The following RNF8 variants were observed in gnomAD, a reference collection of about 807,000 sequenced individuals.
RNF8 encodes the protein ring finger protein 8.
RNF8 carries 8 observed loss-of-function variants against 59.3 expected under a neutral mutation model. The observed-to-expected ratio is 0.13, with a 90% CI of 0.08 to 0.24. The LOEUF is 0.24. Among genes scored for constraint, RNF8 ranks in the 10% least tolerant of loss-of-function variants. The pLI, the probability that RNF8 is intolerant of heterozygous loss-of-function variation, is 1.00. For missense variants in RNF8, 406 were observed against 572.6 expected, an observed-to-expected ratio of 0.71 and a Z score of 2.97; for synonymous variants, 162 against 200.0, an observed-to-expected ratio of 0.81 and a Z score of 1.60.
chr6:37,354,308 C>A (rs753830424), intron 1 of RNF8, 33 bp downstream of exon 1: 3 of 1,501,112 alleles, frequency 2.0e-6, no homozygotes, highest in African/African-American at 1.4e-5. Context: ...GAGCGGAGGG[C>A]AGGGGCTGGA....
chr6:37,369,848 A>G (rs963093149), intron 3 of RNF8: 2 of 152,708 alleles, frequency 1.3e-5, no homozygotes, highest in Admixed American at 6.5e-5. Flanking sequence ...ATGATAAACC[A>G]CCTTCCACAG....
chr6:37,367,800 A>T (rs1161073867), intron 2 of RNF8, among the ~76,000 whole-genome samples: 3 of 152,232 alleles, frequency 2.0e-5, no homozygotes, highest in African/African-American at 7.2e-5. Context: ...AGTGTGAGGT[A>T]GGTACTGTAC....
intron 2 of RNF8, 180 bp from the exon 3 acceptor site, chr6:37,368,304 C>A (rs1769648478): frequency 6.7e-7 from 1 of 1,482,366 alleles, no homozygotes; most frequent in Admixed American, 2.0e-5. Flanking sequence ...AGGTAAAAAG[C>A]CAAAGCACTG....
intron 7 of RNF8, among the ~76,000 whole-genome samples, chr6:37,384,877 C>A (rs2113833778): frequency 6.6e-6 from 1 of 152,248 alleles, no homozygotes; most frequent in Non-Finnish European, 1.5e-5. Context: ...GAATCAGGGT[C>A]ATTTGCAGGA....
rs1469108694 is a variant in RNF8 at position 37,394,643 on chromosome 6, C to T, written c.*3885C>T. On this transcript the variant is annotated 3_prime_UTR_variant, in exon 8 of 8. Transcript: ENST00000373479. The stretch of plus-strand genomic sequence containing the variant: ...TTCCAGAGCCACTATCTCTGCTGTC[C>T]ACTTTCCTTCAGGCTCTGTGAATAC... 6.6e-6 allele frequency: 1 copy of T among 152,172 alleles called. No individual in the cohort carries two copies. Among genetic ancestry groups the T allele is most frequent in the Non-Finnish European group, 1.5e-5 (1 of 68,040 alleles). The allele number at this position is 152,172 out of a possible 1,614,324, so 9.4% of individuals were successfully genotyped here.
Position 37,360,913 on chromosome 6 carries a change from C to T in RNF8, c.240+339C>T, listed in dbSNP as rs952275052. 1.3e-5 allele frequency among the ~76,000 whole-genome samples: 2 copies of T among 152,200 alleles called. No homozygotes were observed. The highest frequency in any genetic ancestry group is 1.9e-4 in the East Asian group (1 of 5,182). ...CCTGGGAATCTGCAGAATCTGCTGA[C>T]GCTTCTGGAGTACACTTATGGCTCA... On this transcript the variant is annotated intron_variant, in intron 2 of 7. Transcript: ENST00000373479. The surrounding 1 kb of genome is among the most constrained non-coding windows in gnomAD (Gnocchi z 4.2).
chr6:37,354,541 C>A (rs1224096891), intron 1 of RNF8, among the ~76,000 whole-genome samples: 1 of 150,122 alleles, frequency 6.7e-6, no homozygotes, highest in African/African-American at 2.5e-5. Context: ...AAAGAGAGTT[C>A]GGCTCTGGGG....
chr6:37,390,762 C>T lies in RNF8; in HGVS notation c.*4C>T. 6.2e-7 allele frequency: 1 copy of T among 1,613,600 alleles called. No individual in the cohort carries two copies. Among genetic ancestry groups the T allele is most frequent in the Non-Finnish European group, 8.5e-7 (1 of 1,179,570 alleles). On this transcript the variant is annotated 3_prime_UTR_variant, in exon 8 of 8. Coordinates refer to ENST00000373479, the MANE Select transcript of RNF8 (RefSeq NM_003958.4). ...CAAAGCAAAGAGATTGTTCTGAAGA[C>T]CGTGCTCTAAGGGCATTTGAAAGAC...
At chr6:37,383,796 G>C (rs1770375523) in intron 7 of RNF8, among the ~76,000 whole-genome samples, 1 of 152,156 alleles carries the variant, frequency 6.6e-6, no homozygotes, top group East Asian at 1.9e-4. Context: ...CTTGTATCAT[G>C]AGTCACTGTG....
intron 6 of RNF8, among the ~76,000 whole-genome samples, chr6:37,378,148 G>A (rs939575977): frequency 5.3e-5 from 8 of 152,148 alleles, no homozygotes; most frequent in African/African-American, 1.9e-4. Context: ...ACAAAAATTA[G>A]CCAGACATGG....
At chr6:37,388,378 C>T (rs1046995580) in intron 7 of RNF8, among the ~76,000 whole-genome samples, 6 of 152,100 alleles carry the variant, frequency 3.9e-5, no homozygotes, top group Non-Finnish European at 8.8e-5. Context: ...GTTTAAGGCA[C>T]CTGAGGACAT....
rs998914410 is a variant in RNF8 at position 37,360,677 on chromosome 6, T to A, written c.240+103T>A. On this transcript the variant is annotated intron_variant, in intron 2 of 7. Coordinates refer to ENST00000373479, the MANE Select transcript of RNF8 (RefSeq NM_003958.4). This position sits in a 1 kb window ranked among gnomAD's most constrained non-coding sequence, Gnocchi z 4.2. ...TGGTATAAAATTCAAAAGTATAACT[T>A]CTTCTTTCCTAGCCATCCAGTTCCC... 3 of 1,182,164 alleles carry A rather than the reference T, an allele frequency of 2.5e-6. No homozygotes were observed. Among genetic ancestry groups the A allele is most frequent in the Admixed American group, 5.5e-5 (2 of 36,556 alleles). 73.2% of individuals were successfully genotyped at this position (1,182,164 alleles called of 1,614,324 possible).
intron 2 of RNF8, among the ~76,000 whole-genome samples, chr6:37,366,656 C>T (rs1314319750): frequency 1.3e-5 from 2 of 151,882 alleles, no homozygotes; most frequent in African/African-American, 4.8e-5. Flanking sequence ...TCCCTTTACC[C>T]TCTGTGCCTT....
intron 6 of RNF8, among the ~76,000 whole-genome samples, chr6:37,378,610 A>AAG (rs1770120087): frequency 1.4e-5 from 2 of 146,926 alleles, no homozygotes; most frequent in African/African-American, 5.4e-5. Flanking sequence ...CAAAAAAAAA[A>AAG]AAAAAAAAAA....
At chr6:37,370,391 A>C (rs1209965212) in intron 3 of RNF8, 1 of 152,210 alleles carries the variant, frequency 6.6e-6, no homozygotes, top group Admixed American at 6.5e-5. Flanking sequence ...TCACACCTTC[A>C]CCAGGACAGA....
In RNF8 at chr6:37,391,082, A is replaced by G. The variant is rs555064412; in HGVS notation, c.*324A>G. On this transcript the variant is annotated 3_prime_UTR_variant, in exon 8 of 8. Coordinates refer to ENST00000373479, the MANE Select transcript of RNF8 (RefSeq NM_003958.4). ...TTGTTGTTGTTGTTACTGTTTTGAT[A>G]CCTCGGAAACACCTCCGTTGACAGT... 2 of 502,756 alleles carry G rather than the reference A, an allele frequency of 4.0e-6. No homozygotes were observed. Among genetic ancestry groups the G allele is most frequent in the Admixed American group, 7.2e-5 (2 of 27,776 alleles). The allele number at this position is 502,756 out of a possible 1,614,324, so 31.1% of individuals were successfully genotyped here.
intron 2 of RNF8, among the ~76,000 whole-genome samples, chr6:37,366,568 G>T (rs543963379): frequency 6.6e-6 from 1 of 152,162 alleles, no homozygotes; most frequent in African/African-American, 2.4e-5. Flanking sequence ...CTTTCTTTCC[G>T]TGTAAACCAA....
Position 37,392,210 on chromosome 6 carries a change from A to G in RNF8, c.*1452A>G. ...GAATTCTGGAAAAATAGAGAACAAAAGGAAAAGATTGTTACCACCTTGATT... is the reference window on the plus strand; with the variant it reads ...GAATTCTGGAAAAATAGAGAACAAAGGGAAAAGATTGTTACCACCTTGATT... On this transcript the variant is annotated 3_prime_UTR_variant, in exon 8 of 8. Coordinates refer to ENST00000373479, the MANE Select transcript of RNF8 (RefSeq NM_003958.4). 2.7e-6 allele frequency: 1 copy of G among 366,806 alleles called. No homozygotes were observed. The highest frequency in any genetic ancestry group is 4.0e-5 in the East Asian group (1 of 25,012). The allele number at this position is 366,806 out of a possible 1,614,324, so 22.7% of individuals were successfully genotyped here.
chr6:37,378,336 C>T lies in RNF8; in HGVS notation c.1236+1303C>T, dbSNP rs148542966. On this transcript the variant is annotated intron_variant, in intron 6 of 7. Coordinates refer to ENST00000373479, the MANE Select transcript of RNF8 (RefSeq NM_003958.4). ...AAAATGTAGGCCGGGTGCAATGGCT[C>T]ATGCCTATAATCCGAGCACTTTGGG... Among the ~76,000 whole-genome samples the T allele has an allele frequency of 8.4e-3, 1,277 of 152,168 alleles. 16 individuals carry two copies. The highest frequency in any genetic ancestry group is 0.025 in the African/African-American group (1,058 of 41,502).
Sources: gnomAD v4.1 joint callset for allele counts (sites outside exome capture counted in the v4.1 genomes callset) on GRCh38, gnomAD v4.1.1 for gene constraint, Gnocchi (gnomAD v3.1) non-coding constraint, MANE v1.5 for transcripts, NCBI Gene and HGNC (gene_info 2026-07-23, HGNC 2026-07-21) for gene names.